The following PALM2AKAP2 variants were observed in gnomAD, a reference collection of about 807,000 sequenced individuals.
The protein encoded by PALM2AKAP2 is PALM2 and AKAP2 fusion, also known as PALM2-AKAP2 fusion protein.
PALM2AKAP2 carries 37 observed loss-of-function variants against 71.5 expected under a neutral mutation model. The ratio of observed to expected loss-of-function variants is 0.52; its 90% confidence interval spans 0.40 to 0.68. The LOEUF is 0.68. PALM2AKAP2 is among the 30% of genes least tolerant of loss of function. The pLI is 0.00. For synonymous variants in PALM2AKAP2, 468 were observed against 478.8 expected, an observed-to-expected ratio of 0.98 and a Z score of 0.29; for missense variants, 1,224 against 1,191.8, an observed-to-expected ratio of 1.03 and a Z score of -0.40.
At chr9:109,717,249 G>A (rs1828338526) in intron 1 of PALM2AKAP2, among the ~76,000 whole-genome samples, 1 of 152,184 alleles carries the variant, frequency 6.6e-6, no homozygotes, top group African/African-American at 2.4e-5. Flanking sequence ...AACACTCTAA[G>A]GATCCTTCTA....
chr9:109,974,492 C>T (rs1478026120), intron 6 of PALM2AKAP2, among the ~76,000 whole-genome samples: 1 of 152,048 alleles, frequency 6.6e-6, no homozygotes, highest in East Asian at 1.9e-4. Flanking sequence ...CAACAACAAC[C>T]TGAGAGAGAA....
At chr9:110,150,268 G>A (rs1037120237) in intron 2 of PALM2AKAP2, among the ~76,000 whole-genome samples, 2 of 152,228 alleles carry the variant, frequency 1.3e-5, no homozygotes, top group East Asian at 1.9e-4. Context: ...AAATAAGTGC[G>A]TGTTGTTCAA....
upstream of PALM2AKAP2, among the ~76,000 whole-genome samples, chr9:110,044,805 A>G (rs574355890): frequency 4.5e-4 from 68 of 151,948 alleles, no homozygotes; most frequent in African/African-American, 1.5e-3. Context: ...TTTATGATGC[A>G]CTGTCTTGCC....
intron 6 of PALM2AKAP2, among the ~76,000 whole-genome samples, chr9:109,934,919 T>C (rs1443216387): frequency 1.3e-5 from 2 of 152,236 alleles, no homozygotes; most frequent in Non-Finnish European, 2.9e-5. Context: ...CACTTTTCTG[T>C]CCTTTGTAGA....
intron 1 of PALM2AKAP2, among the ~76,000 whole-genome samples, chr9:109,728,993 G>A (rs1365518372): frequency 1.3e-5 from 2 of 152,150 alleles, no homozygotes. Context: ...TTAACAACAT[G>A]TTAAACTGAG....
intron 5 of PALM2AKAP2, among the ~76,000 whole-genome samples, chr9:109,929,462 C>T (rs546236495): frequency 1.6e-4 from 24 of 152,188 alleles, no homozygotes; most frequent in African/African-American, 5.6e-4. Flanking sequence ...CCCCTCAGGA[C>T]TACTGACCTC....
chr9:110,003,335 T>A (rs1202506502), intron 6 of PALM2AKAP2, among the ~76,000 whole-genome samples: 4 of 152,198 alleles, frequency 2.6e-5, no homozygotes, highest in African/African-American at 9.7e-5. Flanking sequence ...CATGTTGTTA[T>A]GCGGTTTTGA....
exon 2 of PALM2AKAP2, chr9:110,137,571 C>T (rs747758887): frequency 6.8e-6 from 11 of 1,614,102 alleles, no homozygotes; most frequent in Non-Finnish European, 9.3e-6. Context: ...GCTGTCCTCA[C>T]TGTGGTCAAG....
chr9:110,107,830 G>A (rs879589842), intron 1 of PALM2AKAP2, among the ~76,000 whole-genome samples: 1 of 152,174 alleles, frequency 6.6e-6, no homozygotes. Flanking sequence ...GCCTCCCAAA[G>A]TGCTAAGGAT....
At chr9:110,065,089 T>C (rs1834049329) in intron 1 of PALM2AKAP2, among the ~76,000 whole-genome samples, 1 of 152,212 alleles carries the variant, frequency 6.6e-6, no homozygotes, top group Non-Finnish European at 1.5e-5. Flanking sequence ...CGGATGACTT[T>C]CTGGTGGAGG....
At chr9:109,985,504 C>T (rs1832356686) in intron 6 of PALM2AKAP2, among the ~76,000 whole-genome samples, 1 of 151,252 alleles carries the variant, frequency 6.6e-6, no homozygotes, top group African/African-American at 2.4e-5. Context: ...CCTGTAGTCC[C>T]AGCTACTCGG....
At chr9:109,925,731 C>T (rs951609001) in intron 5 of PALM2AKAP2, among the ~76,000 whole-genome samples, 3 of 152,138 alleles carry the variant, frequency 2.0e-5, no homozygotes, top group African/African-American at 7.2e-5. Flanking sequence ...GTCCTCTCCT[C>T]TCCTTACCTG....
intron 6 of PALM2AKAP2, among the ~76,000 whole-genome samples, chr9:110,010,600 A>G (rs1424281131): frequency 6.8e-6 from 1 of 147,916 alleles, no homozygotes; most frequent in Non-Finnish European, 1.5e-5. Context: ...TATACATTCT[A>G]TTCCATATAT....
exon 4 of PALM2AKAP2, chr9:109,923,796 A>G (rs1337263335): frequency 6.2e-7 from 1 of 1,606,302 alleles, no homozygotes; most frequent in Admixed American, 1.7e-5. Flanking sequence ...CAAAGAGCAA[A>G]TCATCCTAGA....
Position 109,850,462 on chromosome 9 carries a change from T to C in PALM2AKAP2, c.46-17029T>C, listed in dbSNP as rs117527748. ...CCAACTTCGTCCCTTTTGACCTAGT[T>C]TATCACCCATGTCCTTGGGTTGAAA... On this transcript the variant is annotated intron_variant, in intron 1 of 9. Transcript: ENST00000302798. Among the ~76,000 whole-genome samples, 11 of 152,240 alleles carry C rather than the reference T, an allele frequency of 7.2e-5. No homozygotes were observed. The East Asian group carries it at 2.1e-3, about 29-fold the overall frequency.
intron 1 of PALM2AKAP2, among the ~76,000 whole-genome samples, chr9:109,852,113 T>C (rs1173901029): frequency 6.6e-6 from 1 of 152,170 alleles, no homozygotes; most frequent in Non-Finnish European, 1.5e-5. Flanking sequence ...TTTATTTATA[T>C]TTTATTTTAG....
At chr9:110,169,500 G>A (rs539955490) in exon 4 of PALM2AKAP2, 1 of 152,154 alleles carries the variant, frequency 6.6e-6, no homozygotes, top group East Asian at 1.9e-4. Context: ...TTATAAAGTG[G>A]GCCTTAGAGA....
At chr9:110,144,408 A>G (rs1836110723) in intron 2 of PALM2AKAP2, among the ~76,000 whole-genome samples, 1 of 152,234 alleles carries the variant, frequency 6.6e-6, no homozygotes, top group African/African-American at 2.4e-5. Context: ...CATGGTAGTT[A>G]CAATTTATCA....
intron 1 of PALM2AKAP2, among the ~76,000 whole-genome samples, chr9:109,708,567 A>T (rs1444734537): frequency 6.6e-6 from 1 of 152,196 alleles, no homozygotes; most frequent in African/African-American, 2.4e-5. Flanking sequence ...CACCGCCAAG[A>T]CTTTATTATT....
Sources: gnomAD v4.1 joint callset for allele counts (sites outside exome capture counted in the v4.1 genomes callset) on GRCh38, gnomAD v4.1.1 for gene constraint, MANE v1.5 for transcripts, NCBI Gene and HGNC (gene_info 2026-07-23, HGNC 2026-07-21) for gene names.